The following KCNU1 variants were observed in gnomAD, a reference collection of about 807,000 sequenced individuals.
KCNU1 encodes potassium calcium-activated channel subfamily U member 1.
Under a neutral mutation model 126.8 loss-of-function variants are expected in KCNU1, and 93 were observed. The observed-to-expected ratio is 0.73, with a 90% confidence interval of 0.62 to 0.87. The LOEUF (loss-of-function observed/expected upper bound fraction) is 0.87, where lower values mean the gene tolerates loss of function less well. KCNU1 is among the 40% of genes least tolerant of loss of function. The pLI, the probability that KCNU1 is intolerant of heterozygous loss-of-function variation, is 0.00. For synonymous variants in KCNU1, 523 were observed against 494.2 expected (o/e 1.06, Z -0.77); for missense variants, 1,330 against 1,367.1 (o/e 0.97, Z 0.43).
At chr8:36,857,420 TG>T (rs572935409) in intron 18 of KCNU1, among the ~76,000 whole-genome samples, 11 of 152,116 alleles carry the variant, frequency 7.2e-5, no homozygotes, top group Non-Finnish European at 1.6e-4. Flanking sequence ...AGCATTTGAC[TG>T]GGAGCTGGAG....
chr8:36,916,775 C>CT (rs1216301023), intron 22 of KCNU1, among the ~76,000 whole-genome samples: 2 of 152,176 alleles, frequency 1.3e-5, no homozygotes, highest in Non-Finnish European at 2.9e-5. Context: ...CTGGAGGTCA[C>CT]TGATGGTTCT....
rs779751766 is a variant in KCNU1, at chr8:36,815,648, G to A, written c.956G>A (p.Arg319Lys). The A allele has an allele frequency of 1.9e-6, 3 of 1,595,218 alleles. No individual in the cohort carries two copies. Among genetic ancestry groups the A allele is most frequent in the Non-Finnish European group, 2.6e-6 (3 of 1,170,304 alleles). Residue 319 changes from arginine to lysine, a missense_variant, in exon 9 of 27, where the codon AGG becomes AAG. Physicochemically the swap from Arg to Lys is conservative, Grantham distance 26. Around this residue, in one of 3 missense-constraint regions of KCNU1, gnomAD observed 1,054 missense variants for 1,053.9 expected, o/e 1.00. Coordinates refer to ENST00000399881, the MANE Select transcript of KCNU1 (RefSeq NM_001031836.3). Reference protein sequence around the residue: ...PEMVELFANKRKYTSSYEALK... With the variant: ...PEMVELFANKKKYTSSYEALK... ...ATGGTGGAACTGTTTGCTAACAAGA[G>A]GAAATACACCAGTTCCTATGAAGCA...
intron 11 of KCNU1, among the ~76,000 whole-genome samples, chr8:36,834,171 A>T (rs1390181282): frequency 6.6e-6 from 1 of 152,196 alleles, no homozygotes; most frequent in Non-Finnish European, 1.5e-5. Context: ...TTGGCTTAAG[A>T]TCAAAGGCAG....
At chr8:36,834,745 T>A (rs369296163) in intron 11 of KCNU1, 41 bp from the exon 12 acceptor site, 16 of 1,300,784 alleles carry the variant, frequency 1.2e-5, no homozygotes, top group Non-Finnish European at 1.8e-5. Context: ...GCATTTCCCA[T>A]GTAATTAACA....
chr8:36,814,647 C>T (rs1803843120), intron 8 of KCNU1, among the ~76,000 whole-genome samples: 1 of 152,116 alleles, frequency 6.6e-6, no homozygotes, highest in African/African-American at 2.4e-5. Context: ...TTTGAGAAAA[C>T]CTATCTTCCT....
chr8:36,812,163 C>A lies in KCNU1; in HGVS notation c.733-2044C>A, dbSNP rs544612256. ...GGAGGCCAAGGAGGGGCGGATCTCC[C>A]GAGGTTGGGAGTTCGAGACCAGCCT... On this transcript the variant is annotated intron_variant, in intron 7 of 26. Coordinates refer to ENST00000399881, the MANE Select transcript of KCNU1 (RefSeq NM_001031836.3). Among the ~76,000 whole-genome samples, 12 of 151,118 alleles carry A rather than the reference C, an allele frequency of 7.9e-5. No homozygotes were observed. The South Asian group carries it at 2.1e-3, about 27-fold the overall frequency.
In KCNU1 at chr8:36,836,890, T is replaced by C. The variant is rs1585436729; in HGVS notation, c.1463T>C (p.Leu488Ser). ...CTTGGATTTATCGCCCAAGGCTGTT[T>C]GGTGCCAGGCTTGTGTACCTTCCTA... is the stretch of plus-strand genomic sequence containing the variant. ...LKLGFIAQGC[L>S]VPGLCTFLTS... The change falls in exon 14 of 27, where the codon TTG becomes TCG. Residue 488 changes from leucine to serine, a missense_variant. This residue lies in a region of KCNU1 where 1,054 missense variants were observed against 1,053.9 expected (regional missense o/e 1.00). Coordinates refer to ENST00000399881, the MANE Select transcript of KCNU1 (RefSeq NM_001031836.3). 6.2e-7 allele frequency: 1 copy of C among 1,613,880 alleles called. No individual in the cohort carries two copies. The highest frequency in any genetic ancestry group is 1.1e-5 in the South Asian group (1 of 91,076).
At chr8:36,857,172 G>C (rs1805555886) in intron 18 of KCNU1, among the ~76,000 whole-genome samples, 1 of 152,198 alleles carries the variant, frequency 6.6e-6, no homozygotes, top group Non-Finnish European at 1.5e-5. Flanking sequence ...GGCTTTCTTT[G>C]TTTGCTTCTC....
chr8:36,820,219 A>G (rs1246422519), intron 10 of KCNU1, among the ~76,000 whole-genome samples: 1 of 152,164 alleles, frequency 6.6e-6, no homozygotes, highest in Non-Finnish European at 1.5e-5. Flanking sequence ...CAAAATCATG[A>G]ACATAGTATA....
chr8:36,902,712 C>T (rs1807467357), intron 19 of KCNU1, among the ~76,000 whole-genome samples: 1 of 151,982 alleles, frequency 6.6e-6, no homozygotes, highest in Non-Finnish European at 1.5e-5. Flanking sequence ...TGCTCCAAAT[C>T]CTGATGAAAA....
At chr8:36,810,855 A>C (rs1803685328) in intron 7 of KCNU1, among the ~76,000 whole-genome samples, 2 of 152,212 alleles carry the variant, frequency 1.3e-5, no homozygotes, top group Non-Finnish European at 2.9e-5. Flanking sequence ...AAAGTTAAGA[A>C]AAAATGTCCT....
intron 24 of KCNU1, chr8:36,923,184 C>G: frequency 2.4e-6 from 1 of 415,244 alleles, no homozygotes; most frequent in Admixed American, 2.6e-5. Context: ...TTAGGATTCC[C>G]CTGGGTGGAA....
At chr8:36,818,648 T>C (rs1276561564) in intron 10 of KCNU1, among the ~76,000 whole-genome samples, 1 of 152,218 alleles carries the variant, frequency 6.6e-6, no homozygotes, top group Non-Finnish European at 1.5e-5. Flanking sequence ...GTTACCCAAA[T>C]ATCATTCACT....
Position 36,929,141 on chromosome 8 carries a change from G to C in KCNU1, c.2737-1810G>C, listed in dbSNP as rs146777466. 17 of 595,940 alleles carry C rather than the reference G, an allele frequency of 2.9e-5. No homozygotes were observed. In the East Asian group the frequency reaches 4.8e-4, roughly 17 times the overall value. The allele number at this position is 595,940 out of a possible 1,614,324, so 36.9% of individuals were successfully genotyped here. A position where few individuals can be genotyped will look rare whatever the true frequency, so the allele number is the denominator to read the frequency against. On this transcript the variant is annotated intron_variant, in intron 24 of 26. Coordinates refer to ENST00000399881, the MANE Select transcript of KCNU1 (RefSeq NM_001031836.3). ...TCATGCCTGTAATCCCAGCACTTTG[G>C]GAGGCCAAGGTAGGTGGATCTCTTG... is the stretch of plus-strand genomic sequence containing the variant.
chr8:36,806,265 A>G lies in KCNU1; in HGVS notation c.469-4A>G. The G allele has an allele frequency of 6.3e-7, 1 of 1,590,850 alleles. No individual in the cohort carries two copies. The highest frequency in any genetic ancestry group is 8.6e-7 in the Non-Finnish European group (1 of 1,163,780). Reference sequence around the variant, plus strand: ...ATTTGTGTTATTCTGTTTCTATTTCATAGTTTATGGCAGCTGATGACAAGA... The same window carrying G: ...ATTTGTGTTATTCTGTTTCTATTTCGTAGTTTATGGCAGCTGATGACAAGA... On this transcript the variant is annotated splice_polypyrimidine_tract_variant and splice_region_variant and intron_variant, in intron 4 of 26. Transcript: ENST00000399881.
At chr8:36,922,712 T>C (rs1279492754) in intron 24 of KCNU1, 83 bp downstream of exon 24, 6 of 1,354,996 alleles carry the variant, frequency 4.4e-6, no homozygotes, top group Non-Finnish European at 6.1e-6. Flanking sequence ...GAGTAGATGA[T>C]AACACCTCAC....
intron 22 of KCNU1, among the ~76,000 whole-genome samples, chr8:36,916,345 G>C (rs1179173984): frequency 6.8e-6 from 1 of 147,296 alleles, no homozygotes; most frequent in Non-Finnish European, 1.5e-5. Context: ...GGAAAGGAAA[G>C]GAAGAAAAGA....
chr8:36,859,950 A>C (rs1805668425), intron 18 of KCNU1, among the ~76,000 whole-genome samples: 1 of 152,226 alleles, frequency 6.6e-6, no homozygotes, highest in Non-Finnish European at 1.5e-5. Context: ...ATATATGATA[A>C]TTATTATGCC....
At chr8:36,787,528 T>C (rs1222474168) in intron 2 of KCNU1, 103 bp downstream of exon 2, 3 of 1,136,848 alleles carry the variant, frequency 2.6e-6, no homozygotes, top group Admixed American at 5.1e-5. Flanking sequence ...CTGACGTTCC[T>C]TTGGTCGTCT....
Sources: gnomAD v4.1 joint callset for allele counts (sites outside exome capture counted in the v4.1 genomes callset) on GRCh38, gnomAD v4.1.1 for gene constraint, gnomAD v4.1.1 regional missense constraint, MANE v1.5 for transcripts, NCBI Gene and HGNC (gene_info 2026-07-23, HGNC 2026-07-21) for gene names.